Variants in AOAH observed in about 807,000 individuals in gnomAD.
AOAH encodes the protein acyloxyacyl hydrolase, also known as acyloxyacyl hydrolase (neutrophil).
AOAH carries 64 observed loss-of-function variants against 92.2 expected under a neutral mutation model. That is an observed-to-expected ratio of 0.69 (90% CI 0.57 to 0.86). AOAH has a LOEUF of 0.86. Among genes scored for constraint, AOAH ranks in the 40% least tolerant of loss-of-function variants. AOAH has a pLI of 0.00. For synonymous variants in AOAH, 263 were observed against 254.5 expected (o/e 1.03, Z -0.32); for missense variants, 656 against 694.6 (o/e 0.94, Z 0.62).
rs1789971921 is a variant in AOAH, at chr7:36,594,505, T to G, written c.847-75A>C. 5.0e-6 allele frequency: 6 copies of G among 1,210,806 alleles called. No homozygotes were observed. In the Admixed American group the frequency reaches 5.5e-5, roughly 11 times the overall value. 75.0% of individuals were successfully genotyped at this position (1,210,806 alleles called of 1,614,324 possible). On this transcript the variant is annotated intron_variant, in intron 11 of 20. Coordinates refer to ENST00000617537, the MANE Select transcript of AOAH (RefSeq NM_001637.4). ...AAAGGTAGTAAGAAAATTCATGGCC[T>G]GAGTGTTGCTCTCTGTGTGTCTGTT... is the stretch of plus-strand genomic sequence containing the variant.
chr7:36,724,016 G>A lies in AOAH; in HGVS notation c.127+6C>T, dbSNP rs768049801. On this transcript the variant is annotated splice_donor_region_variant and intron_variant, in intron 1 of 20. Transcript: ENST00000617537. The stretch of plus-strand genomic sequence containing the variant: ...ATAGAAAATACAAAAATATTTATTT[G>A]CATACCTACACAGGTGTGCCCATTC... 6.2e-7 allele frequency: 1 copy of A among 1,611,616 alleles called. No homozygotes were observed.
chr7:36,690,438 T>C (rs190800980), intron 1 of AOAH, among the ~76,000 whole-genome samples: 8 of 152,322 alleles, frequency 5.3e-5, no homozygotes, highest in Non-Finnish European at 1.2e-4. Flanking sequence ...GTTGAATTGT[T>C]AATTTCAGGT....
intron 4 of AOAH, among the ~76,000 whole-genome samples, chr7:36,641,596 G>T (rs908598634): frequency 1.3e-5 from 2 of 152,174 alleles, no homozygotes; most frequent in Admixed American, 6.5e-5. Flanking sequence ...TCGCTACAAG[G>T]GTTGCTTCCT....
At chr7:36,517,916 AACACACACACACACCCAC>A (rs1371971391) in intron 20 of AOAH, among the ~76,000 whole-genome samples, 6 of 137,074 alleles carry the variant, frequency 4.4e-5, no homozygotes, top group Non-Finnish European at 7.7e-5. Context: ...TTTATATCTG[AACACACACACACACCCAC>A]ACACACACAC....
Position 36,512,950 on chromosome 7 carries a change from GA to G in AOAH, c.*301del, listed in dbSNP as rs1790125583. ...ACATCGCTGGACTTAAGTGTTTTTA[GA>G]AACTCCTTTTAGAACAATTAGCTGT... On this transcript the variant is annotated 3_prime_UTR_variant, in exon 21 of 21. Coordinates refer to ENST00000617537, the MANE Select transcript of AOAH (RefSeq NM_001637.4). The G allele has an allele frequency of 8.2e-7, 1 of 1,212,674 alleles. No individual in the cohort carries two copies. The highest frequency in any genetic ancestry group is 1.1e-6 in the Non-Finnish European group (1 of 880,720). The allele number at this position is 1,212,674 out of a possible 1,614,324, so 75.1% of individuals were successfully genotyped here. A position where few individuals can be genotyped will look rare whatever the true frequency, so the allele number is the denominator to read the frequency against.
intron 9 of AOAH, 113 bp downstream of exon 9, chr7:36,620,668 T>G (rs1227194437): frequency 1.1e-5 from 10 of 927,772 alleles, no homozygotes; most frequent in Non-Finnish European, 1.7e-5. Context: ...AGGAAAAGAG[T>G]TGCTTTAGGC....
In AOAH at chr7:36,547,205, C is replaced by T. The variant is rs555059082; in HGVS notation, c.1133+1407G>A. Among the ~76,000 whole-genome samples, 39 of 152,284 alleles carry T rather than the reference C, an allele frequency of 2.6e-4. No homozygotes were observed. In the South Asian group the frequency reaches 6.4e-3, roughly 25 times the overall value. The stretch of plus-strand genomic sequence containing the variant: ...TGTTTGCCATTTACTGGAAAGTCCC[C>T]GGTGTCTCTTCACAGACCTTGGTGC... On this transcript the variant is annotated intron_variant, in intron 15 of 20. Transcript: ENST00000617537.
chr7:36,714,057 C>CA, intron 1 of AOAH, among the ~76,000 whole-genome samples: 1 of 151,848 alleles, frequency 6.6e-6, no homozygotes, highest in Non-Finnish European at 1.5e-5. Flanking sequence ...TTGAAAAGAT[C>CA]AACAAAATTG....
chr7:36,678,621 A>G (rs1050087930), intron 2 of AOAH, among the ~76,000 whole-genome samples: 13 of 107,206 alleles, frequency 1.2e-4, no homozygotes, highest in Non-Finnish European at 2.2e-4. Flanking sequence ...GCGCGTTAGA[A>G]TTCTGTTTAG....
At chr7:36,641,837 C>A (rs1038707397) in intron 4 of AOAH, among the ~76,000 whole-genome samples, 4 of 152,182 alleles carry the variant, frequency 2.6e-5, no homozygotes, top group African/African-American at 9.7e-5. Context: ...ATTGACTGAA[C>A]AGAGGAATGA....
chr7:36,630,190 T>C (rs1434445064), intron 6 of AOAH, among the ~76,000 whole-genome samples: 1 of 152,222 alleles, frequency 6.6e-6, no homozygotes, highest in African/African-American at 2.4e-5. Flanking sequence ...TCTGGACTTC[T>C]GACCTCCAGA....
At chr7:36,618,516 G>A (rs1382549595) in intron 9 of AOAH, among the ~76,000 whole-genome samples, 171 bp from the exon 10 acceptor site, 1 of 152,202 alleles carries the variant, frequency 6.6e-6, no homozygotes, top group East Asian at 1.9e-4. Context: ...GAGCGAGTCG[G>A]GTTTGGGAGG....
intron 1 of AOAH, among the ~76,000 whole-genome samples, chr7:36,716,860 T>G (rs931829943): frequency 6.6e-6 from 1 of 151,866 alleles, no homozygotes; most frequent in Non-Finnish European, 1.5e-5. Flanking sequence ...CATTAGGAGA[T>G]ATACCTAATG....
intron 20 of AOAH, among the ~76,000 whole-genome samples, chr7:36,514,261 GGC>G (rs1790208078): frequency 6.6e-6 from 1 of 151,712 alleles, no homozygotes; most frequent in Non-Finnish European, 1.5e-5. Context: ...TAGAGGACAC[GGC>G]GTGTGCAAAG....
At chr7:36,520,494 G>A (rs527356531) in intron 20 of AOAH, among the ~76,000 whole-genome samples, 1 of 152,228 alleles carries the variant, frequency 6.6e-6, no homozygotes, top group African/African-American at 2.4e-5. Context: ...TCACCTGAGG[G>A]TGAGAGTTCG....
intron 1 of AOAH, among the ~76,000 whole-genome samples, chr7:36,704,728 A>G (rs1025870609): frequency 1.3e-5 from 2 of 152,174 alleles, no homozygotes; most frequent in Non-Finnish European, 2.9e-5. Flanking sequence ...GATGAACATC[A>G]ATGCAAAAAT....
chr7:36,517,801 A>G (rs974984535), intron 20 of AOAH, among the ~76,000 whole-genome samples: 1 of 151,608 alleles, frequency 6.6e-6, no homozygotes, highest in Non-Finnish European at 1.5e-5. Context: ...GGGTTTCACC[A>G]TTATGGCCAG....
At chr7:36,679,843 A>G (rs1396040651) in intron 2 of AOAH, among the ~76,000 whole-genome samples, 4 of 151,974 alleles carry the variant, frequency 2.6e-5, no homozygotes, top group Admixed American at 2.6e-4. Context: ...TTTTTAGTAG[A>G]GATGGGGTTT....
intron 18 of AOAH, chr7:36,530,806 A>G: frequency 7.3e-6 from 2 of 272,918 alleles, no homozygotes; most frequent in African/African-American, 2.2e-5. Context: ...GAATGTTGTC[A>G]TGGGTAGGTG....
Sources: allele counts gnomAD v4.1 joint callset (sites outside exome capture counted in the v4.1 genomes callset), GRCh38; gene constraint gnomAD v4.1.1; transcripts MANE v1.5; gene names NCBI Gene and HGNC (gene_info 2026-07-23, HGNC 2026-07-21).